DHX38: variants seen among roughly 807,000 people sequenced by gnomAD.
The protein encoded by DHX38 is pre-mRNA-splicing factor ATP-dependent RNA helicase PRP16.
In DHX38, 100 loss-of-function variants were observed where a neutral mutation model predicts 153.1. The ratio of observed to expected loss-of-function variants is 0.65; its 90% CI spans 0.56 to 0.77. The LOEUF is 0.77. Ranked by LOEUF, DHX38 falls within the 30% of genes least tolerant of loss-of-function variation. The pLI is 0.00. For missense variants in DHX38, 1,440 were observed against 1,654.0 expected (o/e 0.87, Z 2.24); for synonymous variants, 650 against 631.7 (o/e 1.03, Z -0.43).
chr16:72,110,961 C>A lies in DHX38; in HGVS notation c.3483C>A (p.Asn1161Lys), dbSNP rs1317255288. 6.3e-7 allele frequency: 1 copy of A among 1,587,474 alleles called. No individual in the cohort carries two copies. The highest frequency in any genetic ancestry group is 8.6e-7 in the Non-Finnish European group (1 of 1,166,506). Residue 1161 changes from asparagine (N) to lysine (K), a missense_variant, in exon 26 of 27, where the codon AAC becomes AAA. Physicochemically the swap from Asn to Lys is moderately conservative, Grantham distance 94. Coordinates refer to ENST00000268482, the MANE Select transcript of DHX38 (RefSeq NM_014003.4). ...GGTCTGTCCCTCTTCAATAGGAGAACCGTCGTCGGGCCAAAGAGGAAGCCT... is the reference window on the plus strand; with the variant it reads ...GGTCTGTCCCTCTTCAATAGGAGAAACGTCGTCGGGCCAAAGAGGAAGCCT... ...VKQAGKSRQE[N>K]RRRAKEEASA...
In DHX38 at chr16:72,096,443, G is replaced by A. The variant is rs746698158; in HGVS notation, c.286G>A (p.Gly96Ser). Residue 96 changes from glycine to serine, a missense_variant, in exon 2 of 27, where the codon GGC becomes AGC. Physicochemically the swap from Gly to Ser is moderately conservative, Grantham distance 56. Around this residue, in one of 6 missense-constraint regions of DHX38, gnomAD observed 483 missense variants for 465.1 expected, o/e 1.04. Transcript: ENST00000268482. ...TGACCAGAAGGATGCTGAGGAAGAG[G>A]GCGGTGACCAGGCTGGCCAAAATAT... ...KDDQKDAEEEGGDQAGQNIRK... is the reference protein window; with the variant it reads ...KDDQKDAEEESGDQAGQNIRK... 3 of 1,613,664 alleles carry A rather than the reference G, an allele frequency of 1.9e-6. No individual in the cohort carries two copies. The highest frequency in any genetic ancestry group is 1.7e-5 in the Admixed American group (1 of 60,014).
rs1235153797 is a variant in DHX38 at position 72,104,791 on chromosome 16, GGAC to G, written c.2151+166_2151+168del. Among the ~76,000 whole-genome samples the G allele has an allele frequency of 3.9e-5, 6 of 152,180 alleles. No homozygotes were observed. The highest frequency in any genetic ancestry group is 1.4e-4 in the African/African-American group (6 of 41,446). Reference sequence around the variant, plus strand: ...TGCAGCTCTGGGACTCGGGGACAAAGGACTCTGCTCTGGGTGAGGTTTTGTTTC... The same window carrying G: ...TGCAGCTCTGGGACTCGGGGACAAAGTCTGCTCTGGGTGAGGTTTTGTTTC... On this transcript the variant is annotated intron_variant, in intron 15 of 26. Coordinates refer to ENST00000268482, the MANE Select transcript of DHX38 (RefSeq NM_014003.4). The surrounding 1 kb of genome is among the most constrained non-coding windows in gnomAD (Gnocchi z 4.5).
intron 9 of DHX38, 84 bp from the exon 10 acceptor site, chr16:72,101,002 A>C: frequency 7.8e-7 from 1 of 1,286,916 alleles, no homozygotes; most frequent in South Asian, 1.2e-5. Flanking sequence ...AGAGGGTAGC[A>C]GTCCCTTTCA....
Position 72,104,982 on chromosome 16 carries a change from C to G in DHX38, c.2152-45C>G. The G allele has an allele frequency of 6.3e-7, 1 of 1,578,534 alleles. No homozygotes were observed. On this transcript the variant is annotated intron_variant, in intron 15 of 26. Transcript: ENST00000268482. The surrounding 1 kb of genome is among the most constrained non-coding windows in gnomAD (Gnocchi z 4.5). ...GGGCTCCCAGGAGATGCCCGGCCTG[C>G]GCTTCTAGTACCTCCCTCTGACTGT...
At chr16:72,105,953 TC>T in intron 18 of DHX38, 51 bp from the exon 19 acceptor site, 1 of 1,560,008 alleles carries the variant, frequency 6.4e-7, no homozygotes, top group Non-Finnish European at 8.8e-7. Flanking sequence ...CAGGCCTACT[TC>T]CACTTTCCCC....
Position 72,099,797 on chromosome 16 carries a change from C to T in DHX38, c.1026C>T (p.Tyr342=), listed in dbSNP as rs1567605186. The T allele has an allele frequency of 1.2e-6, 2 of 1,614,174 alleles. No homozygotes were observed. Among genetic ancestry groups the T allele is most frequent in the Middle Eastern group, 1.6e-4 (1 of 6,062 alleles). The change falls in exon 8 of 27, where the codon TAC becomes TAT. Residue 342 remains tyrosine (Y), a synonymous_variant. Coordinates refer to ENST00000268482, the MANE Select transcript of DHX38 (RefSeq NM_014003.4). The part of the protein sequence containing the change: ...GYDEFHNPLA[Y]SSEDYVRRRE... The stretch of plus-strand genomic sequence containing the variant: ...ACGAGTTCCACAACCCGCTGGCCTA[C>T]TCCTCCGAGGACTACGTGAGGAGGC...
chr16:72,109,855 A>ATT, intron 25 of DHX38: 1 of 163,228 alleles, frequency 6.1e-6, no homozygotes, highest in East Asian at 1.8e-4. Flanking sequence ...ACACACATCC[A>ATT]TTTTTTTTTT....
At chr16:72,108,100 C>T in intron 21 of DHX38, 127 bp from the exon 22 acceptor site, 1 of 1,161,292 alleles carries the variant, frequency 8.6e-7, no homozygotes, top group Non-Finnish European at 1.2e-6. Flanking sequence ...CTCAAATTGT[C>T]AGGGCAACCT....
chr16:72,108,776 C>A (rs199517934), intron 23 of DHX38, 24 bp from the exon 24 acceptor site: 1 of 1,607,568 alleles, frequency 6.2e-7, no homozygotes, highest in Non-Finnish European at 8.5e-7. Flanking sequence ...CCTGATGTGG[C>A]TGCCTGTTGT....
intron 21 of DHX38, 31 bp from the exon 22 acceptor site, chr16:72,108,196 C>G: frequency 6.2e-7 from 1 of 1,611,264 alleles, no homozygotes; most frequent in Non-Finnish European, 8.5e-7. Flanking sequence ...CCCCCCTGTA[C>G]TTAGAGTGAA....
chr16:72,099,080 C>T (rs1716719030), intron 6 of DHX38, 35 bp downstream of exon 6: 1 of 1,610,384 alleles, frequency 6.2e-7, no homozygotes, highest in South Asian at 1.1e-5. Context: ...GAAGAGCAGG[C>T]TTGCTTGCCC....
In DHX38 at chr16:72,105,632, A is replaced by G; in HGVS notation, c.2487+8A>G. 1 of 1,613,960 alleles carries G rather than the reference A, an allele frequency of 6.2e-7. No individual in the cohort carries two copies. Among genetic ancestry groups the G allele is most frequent in the African/African-American group, 1.3e-5 (1 of 75,008 alleles). ...GGTTATTGCAAATTAAAGGTAAGAG[A>G]AGACATGGGAGGCAAGGCCTGGGTG... On this transcript the variant is annotated splice_region_variant and intron_variant, in intron 18 of 26. Transcript: ENST00000268482.
At chr16:72,097,866 A>C in intron 4 of DHX38, 85 bp downstream of exon 4, 2 of 1,293,692 alleles carry the variant, frequency 1.5e-6, no homozygotes, top group South Asian at 2.5e-5. Context: ...GAGATTGCTG[A>C]GGCATTGAGT....
At chr16:72,100,702 G>A (rs2042087849) in intron 9 of DHX38, 105 bp downstream of exon 9, 1 of 1,487,258 alleles carries the variant, frequency 6.7e-7, no homozygotes, top group Non-Finnish European at 9.1e-7. Flanking sequence ...AGGCTGAGGA[G>A]GGTGGATCAT....
At chr16:72,095,958 G>T (rs1331554092) in intron 1 of DHX38, among the ~76,000 whole-genome samples, 181 bp from the exon 2 acceptor site, 2 of 151,966 alleles carry the variant, frequency 1.3e-5, no homozygotes, top group Non-Finnish European at 2.9e-5. Flanking sequence ...TGGAATAGGA[G>T]AATCTTTGGA....
In DHX38 at chr16:72,098,674, G is replaced by C. The variant is rs1302679750; in HGVS notation, c.646G>C (p.Glu216Gln). ...DAATPSRSTW[E>Q]EEDSGYGSSR... ...AGCCACCCCTTCAAGGTCTACCTGG[G>C]AGGAAGAGGACAGTGGCTATGGCTC... Residue 216 changes from glutamate to glutamine, a missense_variant, in exon 5 of 27, where the codon GAG (glutamate) becomes CAG (glutamine). Glu to Gln is a conservative substitution (Grantham distance 29, BLOSUM62 2). This residue lies in a region of DHX38 where 483 missense variants were observed against 465.1 expected (regional missense o/e 1.04). Coordinates refer to ENST00000268482, the MANE Select transcript of DHX38 (RefSeq NM_014003.4). The C allele has an allele frequency of 1.2e-6, 2 of 1,614,076 alleles. No homozygotes were observed. Among genetic ancestry groups the C allele is most frequent in the South Asian group, 2.2e-5 (2 of 91,078 alleles).
intron 5 of DHX38, 49 bp from the exon 6 acceptor site, chr16:72,098,878 G>A (rs373038429): frequency 5.0e-6 from 8 of 1,613,822 alleles, no homozygotes; most frequent in South Asian, 2.2e-5. Flanking sequence ...CCAGGAGGAC[G>A]TGGCTTAGCT....
In DHX38 at chr16:72,107,252, G is replaced by C; in HGVS notation, c.2601-88G>C. 1 of 1,379,666 alleles carries C rather than the reference G, an allele frequency of 7.2e-7. No homozygotes were observed. The highest frequency in any genetic ancestry group is 9.8e-7 in the Non-Finnish European group (1 of 1,020,554). 85.5% of individuals were successfully genotyped at this position (1,379,666 alleles called of 1,614,324 possible). On this transcript the variant is annotated intron_variant, in intron 19 of 26. Transcript: ENST00000268482. The surrounding 1 kb of genome is among the most constrained non-coding windows in gnomAD (Gnocchi z 5.3). ...AGTAGTGGGTGGGGAGAAGAAATGAGAATTTCCTCCCTCCCTGTGGGATTT... is the reference window on the plus strand; with the variant it reads ...AGTAGTGGGTGGGGAGAAGAAATGACAATTTCCTCCCTCCCTGTGGGATTT...
rs759170679 is a variant in DHX38 at position 72,104,159 on chromosome 16, G to A, written c.2010+28G>A. On this transcript the variant is annotated intron_variant, in intron 14 of 26. Coordinates refer to ENST00000268482, the MANE Select transcript of DHX38 (RefSeq NM_014003.4). The surrounding 1 kb of genome is among the most constrained non-coding windows in gnomAD (Gnocchi z 4.5). ...GAGGGCTGTGTGGTTTGGTCTCTCT[G>A]CGCATGGGGTGTTGACCAGTGCACC... is the stretch of plus-strand genomic sequence containing the variant. The A allele has an allele frequency of 2.5e-6, 4 of 1,608,422 alleles. No individual in the cohort carries two copies. Among genetic ancestry groups the A allele is most frequent in the Non-Finnish European group, 3.4e-6 (4 of 1,175,884 alleles).
Sources: allele counts gnomAD v4.1 joint callset (sites outside exome capture counted in the v4.1 genomes callset), GRCh38; gene constraint gnomAD v4.1.1; regional missense constraint gnomAD v4.1.1; non-coding constraint Gnocchi (gnomAD v3.1); transcripts MANE v1.5; gene names NCBI Gene and HGNC (gene_info 2026-07-23, HGNC 2026-07-21).